SH3GL2: variants seen among roughly 807,000 people sequenced by gnomAD.
SH3GL2 encodes SH3 domain containing GRB2 like 2, endophilin A1.
In SH3GL2, 24 loss-of-function variants were observed where a neutral mutation model predicts 46.0. The ratio of observed to expected loss-of-function variants is 0.52; its 90% CI spans 0.38 to 0.73. The LOEUF is 0.73. SH3GL2 is among the 30% of genes least tolerant of loss of function. SH3GL2 has a pLI of 0.00. For missense variants in SH3GL2, 413 were observed against 424.2 expected, an observed-to-expected ratio of 0.97 and a Z score of 0.23; for synonymous variants, 196 against 147.1, an observed-to-expected ratio of 1.33 and a Z score of -2.40.
chr9:17,714,695 T>G (rs886572828), intron 1 of SH3GL2, among the ~76,000 whole-genome samples: 2 of 151,856 alleles, frequency 1.3e-5, no homozygotes, highest in African/African-American at 4.8e-5. Context: ...TATATATATT[T>G]TACTTTTAGC....
intron 1 of SH3GL2, among the ~76,000 whole-genome samples, chr9:17,580,107 CAAAG>C (rs1038448260): frequency 6.6e-6 from 1 of 152,118 alleles, no homozygotes; most frequent in African/African-American, 2.4e-5. Context: ...TCATTGGACT[CAAAG>C]AATTTTACAT....
intron 1 of SH3GL2, among the ~76,000 whole-genome samples, chr9:17,724,062 G>A (rs1821961309): frequency 1.3e-5 from 2 of 151,864 alleles, no homozygotes; most frequent in Admixed American, 6.6e-5. Flanking sequence ...TGATTTCTTT[G>A]AATATTCTTT....
chr9:17,639,445 T>C (rs1240405654), intron 1 of SH3GL2, among the ~76,000 whole-genome samples: 1 of 152,208 alleles, frequency 6.6e-6, no homozygotes, highest in Non-Finnish European at 1.5e-5. Context: ...GTATGTGAAA[T>C]TTCAAGGAAA....
At chr9:17,769,799 G>A (rs1021118779) in intron 3 of SH3GL2, among the ~76,000 whole-genome samples, 15 of 152,070 alleles carry the variant, frequency 9.9e-5, no homozygotes, top group Non-Finnish European at 2.1e-4. Context: ...TCTCCAGAAG[G>A]GTAGAATCTT....
intron 1 of SH3GL2, among the ~76,000 whole-genome samples, chr9:17,624,089 G>T (rs1374669513): frequency 6.6e-6 from 1 of 152,076 alleles, no homozygotes; most frequent in Non-Finnish European, 1.5e-5. Flanking sequence ...ACTGCATCCT[G>T]CCCGTTAAAA....
intron 3 of SH3GL2, among the ~76,000 whole-genome samples, chr9:17,772,438 T>G (rs1166249257): frequency 6.6e-6 from 1 of 152,126 alleles, no homozygotes; most frequent in Non-Finnish European, 1.5e-5. Context: ...CCACCATCCA[T>G]CTCCATAACT....
At chr9:17,583,845 C>T in intron 1 of SH3GL2, among the ~76,000 whole-genome samples, 1 of 152,164 alleles carries the variant, frequency 6.6e-6, no homozygotes, top group Non-Finnish European at 1.5e-5. Flanking sequence ...GAGACCATTA[C>T]ATAAGTCTTT....
In SH3GL2 at chr9:17,647,588, G is replaced by C. The variant is rs539706976; in HGVS notation, c.45+68301G>C. 2.0e-5 allele frequency among the ~76,000 whole-genome samples: 3 copies of C among 152,274 alleles called. No homozygotes were observed. The East Asian group carries it at 5.8e-4, about 29-fold the overall frequency. On this transcript the variant is annotated intron_variant, in intron 1 of 8. Transcript: ENST00000380607. ...ATCTGAAAGTGAGGATAACAAGCTA[G>C]CTTGTTGCAAAGGTTAAATAAAGTA...
intron 1 of SH3GL2, among the ~76,000 whole-genome samples, chr9:17,733,717 A>T (rs1822249267): frequency 6.6e-6 from 1 of 152,116 alleles, no homozygotes; most frequent in African/African-American, 2.4e-5. Flanking sequence ...CTTGGAACCA[A>T]TCCAAATGTC....
intron 1 of SH3GL2, among the ~76,000 whole-genome samples, chr9:17,632,109 A>G (rs1819440427): frequency 6.6e-6 from 1 of 152,154 alleles, no homozygotes; most frequent in African/African-American, 2.4e-5. Context: ...AAAATCAATA[A>G]TTAGTGTTAG....
At chr9:17,784,425 A>T (rs534940060) in intron 3 of SH3GL2, among the ~76,000 whole-genome samples, 1 of 152,098 alleles carries the variant, frequency 6.6e-6, no homozygotes, top group Non-Finnish European at 1.5e-5. Context: ...GGATTAACTC[A>T]TGTGTGGTTT....
In SH3GL2 at chr9:17,665,974, C is replaced by A. The variant is rs575370867; in HGVS notation, c.46-81092C>A. Among the ~76,000 whole-genome samples, 3 of 150,476 alleles carry A rather than the reference C, an allele frequency of 2.0e-5. No homozygotes were observed. In the Admixed American group the frequency reaches 2.0e-4, roughly 10 times the overall value. The stretch of plus-strand genomic sequence containing the variant: ...GTACCACAGGGTTCATTGCAGTAGT[C>A]CTCCTTTCCATATTTGTAACTCCAC... On this transcript the variant is annotated intron_variant, in intron 1 of 8. Coordinates refer to ENST00000380607, the MANE Select transcript of SH3GL2 (RefSeq NM_003026.5).
At chr9:17,757,882 G>A (rs1055482722) in intron 2 of SH3GL2, among the ~76,000 whole-genome samples, 8 of 152,160 alleles carry the variant, frequency 5.3e-5, no homozygotes, top group Non-Finnish European at 1.2e-4. Context: ...TCTGCCAAGT[G>A]CATAACAAGG....
At chr9:17,630,479 T>C (rs1819395393) in intron 1 of SH3GL2, 1 of 152,226 alleles carries the variant, frequency 6.6e-6, no homozygotes, top group South Asian at 2.1e-4. Flanking sequence ...CTACTCCGTT[T>C]GTTGGAAGCC....
chr9:17,749,522 G>T (rs762469251), intron 2 of SH3GL2, among the ~76,000 whole-genome samples: 1 of 152,144 alleles, frequency 6.6e-6, no homozygotes, highest in Non-Finnish European at 1.5e-5. Context: ...AGATTAGGCA[G>T]GTATTTAGGA....
intron 1 of SH3GL2, among the ~76,000 whole-genome samples, chr9:17,642,027 C>T (rs1819698281): frequency 6.6e-6 from 1 of 152,098 alleles, no homozygotes; most frequent in Admixed American, 6.5e-5. Flanking sequence ...CTGTCTTGCC[C>T]AATAGTTGAA....
chr9:17,696,803 C>T (rs1054236508), intron 1 of SH3GL2, among the ~76,000 whole-genome samples: 1 of 152,098 alleles, frequency 6.6e-6, no homozygotes, highest in Non-Finnish European at 1.5e-5. Context: ...TTTGGATTAT[C>T]CCTTCCTTTT....
chr9:17,676,635 C>G (rs938837676), intron 1 of SH3GL2, among the ~76,000 whole-genome samples: 4 of 152,118 alleles, frequency 2.6e-5, no homozygotes, highest in Non-Finnish European at 5.9e-5. Flanking sequence ...AAGTATATCA[C>G]AAATATTGTT....
intron 3 of SH3GL2, among the ~76,000 whole-genome samples, chr9:17,772,064 G>T (rs1468981116): frequency 6.6e-6 from 1 of 152,162 alleles, no homozygotes; most frequent in Non-Finnish European, 1.5e-5. Flanking sequence ...TGGTATCAGT[G>T]CAGAGAGCAT....
Sources: allele counts gnomAD v4.1 joint callset (sites outside exome capture counted in the v4.1 genomes callset), GRCh38; gene constraint gnomAD v4.1.1; transcripts MANE v1.5; gene names NCBI Gene and HGNC (gene_info 2026-07-23, HGNC 2026-07-21).